The following ACAD10 variants were observed in gnomAD, a reference collection of about 807,000 sequenced individuals.
ACAD10 encodes acyl-CoA dehydrogenase family member 10.
A neutral mutation model predicts 116.8 loss-of-function variants in ACAD10; 112 were observed. The observed-to-expected ratio is 0.96, with a 90% CI of 0.82 to 1.12. The LOEUF (loss-of-function observed/expected upper bound fraction) is 1.12, where lower values mean the gene tolerates loss of function less well. ACAD10 is among the 50% of genes most tolerant of loss of function. The pLI is 0.00. For missense variants in ACAD10, 1,259 were observed against 1,350.2 expected (o/e 0.93, Z 1.06); for synonymous variants, 486 against 510.6 (o/e 0.95, Z 0.65).
intron 3 of ACAD10, 113 bp downstream of exon 3, chr12:111,702,423 A>G: frequency 4.3e-6 from 6 of 1,404,294 alleles, no homozygotes; most frequent in Non-Finnish European, 5.8e-6. Context: ...CTAATAACCC[A>G]TTACATGTTT....
chr12:111,711,913 A>T (rs1888696958), intron 5 of ACAD10, among the ~76,000 whole-genome samples: 1 of 152,218 alleles, frequency 6.6e-6, no homozygotes, highest in Non-Finnish European at 1.5e-5. Flanking sequence ...TTGGCCTGCT[A>T]ATACTGGTCC....
Position 111,748,702 on chromosome 12 carries a change from A to G in ACAD10, c.2644+227A>G. On this transcript the variant is annotated intron_variant, in intron 17 of 20. Coordinates refer to ENST00000313698, the MANE Select transcript of ACAD10 (RefSeq NM_025247.6). The stretch of plus-strand genomic sequence containing the variant: ...TTTTTTCCCTCTTCTAAACTTAGAA[A>G]GTAATCAGGAGTCTGTGACACAGGA... The G allele has an allele frequency of 4.9e-6, 3 of 606,828 alleles. No individual in the cohort carries two copies. The South Asian group carries it at 6.1e-5, about 12-fold the overall frequency. The allele number at this position is 606,828 out of a possible 1,614,324, so 37.6% of individuals were successfully genotyped here.
At chr12:111,703,104 T>A (rs12427241) in intron 3 of ACAD10, among the ~76,000 whole-genome samples, 1 of 141,784 alleles carries the variant, frequency 7.1e-6, no homozygotes, top group Admixed American at 8.1e-5. Flanking sequence ...AAAAAAAAAT[T>A]CTTTACTAAG....
chr12:111,711,423 G>A (rs967625863), intron 5 of ACAD10, among the ~76,000 whole-genome samples: 2 of 151,622 alleles, frequency 1.3e-5, no homozygotes, highest in African/African-American at 2.4e-5. Context: ...GGATGGTCTC[G>A]ATCTCTCGAT....
intron 11 of ACAD10, among the ~76,000 whole-genome samples, chr12:111,735,223 CAAA>C (rs756141944): frequency 2.1e-5 from 2 of 97,116 alleles, no homozygotes; most frequent in Non-Finnish European, 2.1e-5. Context: ...GACTCCATCT[CAAA>C]AAAAAAAAAA....
chr12:111,723,042 C>T (rs565890870), intron 8 of ACAD10, among the ~76,000 whole-genome samples: 23 of 134,182 alleles, frequency 1.7e-4, no homozygotes, highest in Non-Finnish European at 3.0e-4. Flanking sequence ...CCCTCCCGGA[C>T]GGGGCGGCTG....
At chr12:111,706,756 A>ATT (rs201869536) in intron 4 of ACAD10, among the ~76,000 whole-genome samples, 18 of 121,864 alleles carry the variant, frequency 1.5e-4, no homozygotes, top group South Asian at 7.6e-4. Flanking sequence ...TGGCCTATTT[A>ATT]TTTTTTTATA....
chr12:111,711,716 G>A (rs529806921), intron 5 of ACAD10, among the ~76,000 whole-genome samples: 1 of 151,496 alleles, frequency 6.6e-6, no homozygotes, highest in Admixed American at 6.6e-5. Flanking sequence ...GTTTCACTGT[G>A]TTAGCCAGGA....
chr12:111,719,406 A>G (rs1397681516), intron 7 of ACAD10, among the ~76,000 whole-genome samples: 2 of 151,832 alleles, frequency 1.3e-5, no homozygotes, highest in Non-Finnish European at 2.9e-5. Flanking sequence ...GGCACATACC[A>G]CCATGCCTGG....
intron 12 of ACAD10, among the ~76,000 whole-genome samples, chr12:111,744,144 A>C (rs1889823762): frequency 6.6e-6 from 1 of 152,106 alleles, no homozygotes; most frequent in African/African-American, 2.4e-5. Flanking sequence ...CCAAATAGTG[A>C]GCTGAGTGAT....
chr12:111,733,104 T>C (rs1258728564), intron 10 of ACAD10, among the ~76,000 whole-genome samples: 1 of 152,130 alleles, frequency 6.6e-6, no homozygotes, highest in Non-Finnish European at 1.5e-5. Flanking sequence ...CTTTTTTTTT[T>C]TGAGACAGGA....
chr12:111,749,408 A>T, intron 18 of ACAD10, 63 bp downstream of exon 18: 1 of 1,554,136 alleles, frequency 6.4e-7, no homozygotes, highest in Non-Finnish European at 8.7e-7. Flanking sequence ...TTGCTGTCGG[A>T]CTTCAATTCC....
chr12:111,699,994 G>A (rs1488681697), intron 2 of ACAD10, among the ~76,000 whole-genome samples: 1 of 152,058 alleles, frequency 6.6e-6, no homozygotes, highest in Non-Finnish European at 1.5e-5. Context: ...TTCTACCATT[G>A]CAGCAAGAAA....
chr12:111,707,657 T>C (rs545370454), intron 4 of ACAD10, among the ~76,000 whole-genome samples: 7 of 152,318 alleles, frequency 4.6e-5, no homozygotes, highest in African/African-American at 1.7e-4. Context: ...AACTCAAGTA[T>C]TGGACATTTT....
chr12:111,696,621 A>T (rs1888197287), intron 2 of ACAD10, among the ~76,000 whole-genome samples: 1 of 152,208 alleles, frequency 6.6e-6, no homozygotes, highest in African/African-American at 2.4e-5. Context: ...AATATTTACC[A>T]TCTGGCCCTT....
intron 1 of ACAD10, among the ~76,000 whole-genome samples, chr12:111,687,308 G>A (rs1887896998): frequency 6.6e-6 from 1 of 152,000 alleles, no homozygotes. Context: ...TTTAAATCAG[G>A]GTTTCTCAAC....
chr12:111,734,773 G>A (rs1173029829), intron 11 of ACAD10, among the ~76,000 whole-genome samples: 1 of 152,164 alleles, frequency 6.6e-6, no homozygotes, highest in Non-Finnish European at 1.5e-5. Flanking sequence ...TCTTCTGTGT[G>A]TATATGTACA....
At chr12:111,734,529 C>A (rs1889492884) in intron 11 of ACAD10, among the ~76,000 whole-genome samples, 1 of 152,150 alleles carries the variant, frequency 6.6e-6, no homozygotes, top group Non-Finnish European at 1.5e-5. Flanking sequence ...GAGGCTGAGG[C>A]AGGAGAATTG....
intron 20 of ACAD10, 39 bp downstream of exon 20, chr12:111,755,784 A>G: frequency 6.3e-7 from 1 of 1,587,524 alleles, no homozygotes; most frequent in Non-Finnish European, 8.6e-7. Context: ...TTGAACCATC[A>G]ATACTAGATG....
Sources: allele counts gnomAD v4.1 joint callset (sites outside exome capture counted in the v4.1 genomes callset), GRCh38; gene constraint gnomAD v4.1.1; transcripts MANE v1.5; gene names NCBI Gene and HGNC (gene_info 2026-07-23, HGNC 2026-07-21).